The following CDKL5 variants were observed in gnomAD, a reference collection of about 807,000 sequenced individuals.
The protein encoded by CDKL5 is cyclin dependent kinase like 5.
A neutral mutation model predicts 61.7 loss-of-function variants in CDKL5; 8 were observed. The observed-to-expected ratio is 0.13, with a 90% confidence interval of 0.08 to 0.23. CDKL5 has a LOEUF of 0.23. CDKL5 is among the 10% of genes least tolerant of loss of function. The pLI, the probability that CDKL5 is intolerant of heterozygous loss-of-function variation, is 1.00. For synonymous variants in CDKL5, 275 were observed against 272.3 expected, an observed-to-expected ratio of 1.01 and a Z score of -0.10; for missense variants, 440 against 734.5, an observed-to-expected ratio of 0.60 and a Z score of 4.63.
Position 18,631,570 on chromosome X carries a change from CCTTTT to C in CDKL5, c.*2818_*2822del. 1 of 753,966 alleles carries C rather than the reference CCTTTT, an allele frequency of 1.3e-6. No individual in the cohort carries two copies. The highest frequency in any genetic ancestry group is 2.3e-5 in the African/African-American group (1 of 43,776). The allele number at this position is 753,966 out of a possible 1,213,427, so 62.1% of individuals were successfully genotyped here. A position where few individuals can be genotyped will look rare whatever the true frequency, so the allele number is the denominator to read the frequency against. ...CTTGATTTAAAGTCAGAAAAATTTGCCTTTTCTTTAGGAAGGGGAATTCATGACAT... is the reference window on the plus strand; with the variant it reads ...CTTGATTTAAAGTCAGAAAAATTTGCCTTTAGGAAGGGGAATTCATGACAT... On this transcript the variant is annotated 3_prime_UTR_variant, in exon 18 of 18. Coordinates refer to ENST00000623535, the MANE Select transcript of CDKL5 (RefSeq NM_001323289.2).
chrX:18,625,028 T>C, intron 16 of CDKL5, 100 bp from the exon 17 acceptor site: 1 of 804,788 alleles, frequency 1.2e-6, no homozygotes, highest in Middle Eastern at 2.8e-4. Context: ...AGTTTTGGTT[T>C]GGTTTGCTTT....
chrX:18,559,719 G>T lies in CDKL5; in HGVS notation c.100-4758G>T, dbSNP rs1169886755. 2.6e-4 allele frequency among the ~76,000 whole-genome samples: 27 copies of T among 105,413 alleles called. 1 individual carries two copies. The highest frequency in any genetic ancestry group is 9.4e-4 in the African/African-American group (27 of 28,707). 91.5% of individuals were successfully genotyped at this position (105,413 alleles called of 115,157 possible). ...ACATATGTATACATGTGCCATGCTG[G>T]TGTGCTGCGCCCATTAACTCGTCAT... On this transcript the variant is annotated intron_variant, in intron 3 of 17. Transcript: ENST00000623535.
At chrX:18,463,860 A>G (rs1053024361) in intron 1 of CDKL5, among the ~76,000 whole-genome samples, 3 of 111,955 alleles carry the variant, frequency 2.7e-5, no homozygotes, top group Admixed American at 1.9e-4. Flanking sequence ...ACATAGGTCA[A>G]TACCAAGTTC....
chrX:18,518,407 T>A (rs1923121319), intron 3 of CDKL5, among the ~76,000 whole-genome samples: 2 of 67,507 alleles, frequency 3.0e-5, no homozygotes, highest in East Asian at 4.7e-4. Context: ...TTTTTTTTTT[T>A]TTTTTTTTTT....
At chrX:18,585,148 C>T (rs1925601923) in intron 8 of CDKL5, among the ~76,000 whole-genome samples, 1 of 111,895 alleles carries the variant, frequency 8.9e-6, no homozygotes, top group Non-Finnish European at 1.9e-5. Context: ...AATCCCAGCA[C>T]TTTGGGAGGC....
chrX:18,474,963 G>GTT (rs770683321), intron 1 of CDKL5, among the ~76,000 whole-genome samples: 10 of 100,900 alleles, frequency 9.9e-5, no homozygotes, highest in African/African-American at 3.2e-4. Context: ...TTGTTTTTTG[G>GTT]TTTTTTTTTT....
chrX:18,479,382 C>T (rs1353934253), intron 1 of CDKL5, among the ~76,000 whole-genome samples: 3 of 97,253 alleles, frequency 3.1e-5, no homozygotes, highest in Non-Finnish European at 2.0e-5. Context: ...TGCAGTGGCA[C>T]GATCTCCGCT....
chrX:18,538,837 G>A (rs1371854201), intron 3 of CDKL5, among the ~76,000 whole-genome samples: 1 of 112,086 alleles, frequency 8.9e-6, no homozygotes, highest in Admixed American at 9.4e-5. Context: ...AAATTCTCCA[G>A]CAAACCTATT....
intron 1 of CDKL5, among the ~76,000 whole-genome samples, chrX:18,499,461 T>C (rs1432033501): frequency 9.4e-6 from 1 of 106,668 alleles, no homozygotes; most frequent in East Asian, 3.0e-4. Context: ...CCCGGGTTCA[T>C]GCCATTCTCC....
At chrX:18,569,207 T>C (rs1925062786) in intron 4 of CDKL5, among the ~76,000 whole-genome samples, 1 of 111,622 alleles carries the variant, frequency 9.0e-6, no homozygotes, top group Admixed American at 9.6e-5. Context: ...CTTCTGTTTG[T>C]TGACCCTTCA....
chrX:18,638,009 C>T lies in CDKL5; in HGVS notation c.*9252C>T, dbSNP rs1441899259. On this transcript the variant is annotated 3_prime_UTR_variant, in exon 18 of 18. Transcript: ENST00000623535. ...CCCAGCATGGAAGTACTCTTGGGAC[C>T]ACAGGGGAAGCAACAGTCCTTGTAA... The T allele has an allele frequency of 9.0e-6, 1 of 111,369 alleles. No individual in the cohort carries two copies. The highest frequency in any genetic ancestry group is 1.9e-5 in the Non-Finnish European group (1 of 53,099). The allele number at this position is 111,369 out of a possible 1,213,427, so 9.2% of individuals were successfully genotyped here.
Position 18,584,363 on chromosome X carries a change from C to T in CDKL5, c.554+10C>T, listed in dbSNP as rs755385076. The stretch of plus-strand genomic sequence containing the variant: ...CAGAACTCTTACTTGGGTGAGTTAC[C>T]GTCCCAAAATAGAATGACATTTCCA... On this transcript the variant is annotated intron_variant, in intron 8 of 17. Coordinates refer to ENST00000623535, the MANE Select transcript of CDKL5 (RefSeq NM_001323289.2). 29 of 1,091,070 alleles carry T rather than the reference C, an allele frequency of 2.7e-5. No homozygotes were observed. The highest frequency in any genetic ancestry group is 2.4e-4 in the African/African-American group (13 of 54,865). 89.9% of individuals were successfully genotyped at this position (1,091,070 alleles called of 1,213,427 possible). A position where few individuals can be genotyped will look rare whatever the true frequency, so the allele number is the denominator to read the frequency against.
At position 18,488,925 on chromosome X, in the gene CDKL5, G is replaced by A. The variant is rs145662931; in HGVS notation, c.-162-18010G>A. 1.1e-3 allele frequency among the ~76,000 whole-genome samples: 125 copies of A among 111,759 alleles called. 1 individual carries two copies. The highest frequency in any genetic ancestry group is 4.5e-3 in the East Asian group (16 of 3,550). The stretch of plus-strand genomic sequence containing the variant: ...TACATAAAATGTATCACACTTTGTA[G>A]CAGTAAGATACCAACATGATTGCAG... On this transcript the variant is annotated intron_variant, in intron 1 of 17. Transcript: ENST00000623535.
chrX:18,487,761 C>T (rs1004694476), intron 1 of CDKL5, among the ~76,000 whole-genome samples: 57 of 112,266 alleles, frequency 5.1e-4, no homozygotes, highest in African/African-American at 1.8e-3. Flanking sequence ...AGTAAAAATA[C>T]AAAAATTAGC....
Position 18,507,062 on chromosome X carries a change from T to C in CDKL5, c.-35T>C. 1 of 1,069,713 alleles carries C rather than the reference T, an allele frequency of 9.3e-7. No individual in the cohort carries two copies. The highest frequency in any genetic ancestry group is 1.3e-6 in the Non-Finnish European group (1 of 766,083). 88.2% of individuals were successfully genotyped at this position (1,069,713 alleles called of 1,213,427 possible). On this transcript the variant is annotated 5_prime_UTR_variant, in exon 2 of 18. Transcript: ENST00000623535. Reference sequence around the variant, plus strand: ...TCTGAGAAGTTCTTTTGGTGCCATGTTTTGTGGCTTGCATCAAAAGAGGAG... The same window carrying C: ...TCTGAGAAGTTCTTTTGGTGCCATGCTTTGTGGCTTGCATCAAAAGAGGAG...
chrX:18,587,738 TACTA>T (rs1286990580), intron 8 of CDKL5: 2 of 429,666 alleles, frequency 4.7e-6, no homozygotes, highest in Admixed American at 4.0e-5. Flanking sequence ...AATTAGTGTA[TACTA>T]ACTAAATTGT....
chrX:18,652,097 C>A (rs956200166), intron 21 of CDKL5, among the ~76,000 whole-genome samples: 1 of 111,103 alleles, frequency 9.0e-6, no homozygotes, highest in Non-Finnish European at 1.9e-5. Context: ...CCCTCGCCTG[C>A]CTCCCTCCCC....
chrX:18,438,789 CAAAAAAAAAAAA>C (rs1196032367), intron 1 of CDKL5, among the ~76,000 whole-genome samples: 1 of 29,454 alleles, frequency 3.4e-5, no homozygotes, highest in Non-Finnish European at 6.5e-5. Flanking sequence ...ACCTCCGTCT[CAAAAAAAAAAAA>C]AAAAAAAAGA....
At chrX:18,577,318 T>A (rs957003172) in intron 5 of CDKL5, among the ~76,000 whole-genome samples, 4 of 111,390 alleles carry the variant, frequency 3.6e-5, no homozygotes, top group African/African-American at 1.3e-4. Flanking sequence ...AACTCCAGTC[T>A]TCTGACAGTC....
Sources: gnomAD v4.1 joint callset for allele counts (sites outside exome capture counted in the v4.1 genomes callset) on GRCh38, gnomAD v4.1.1 for gene constraint, MANE v1.5 for transcripts, NCBI Gene and HGNC (gene_info 2026-07-23, HGNC 2026-07-21) for gene names.